The following UST variants were observed in gnomAD, a reference collection of about 807,000 sequenced individuals.
UST encodes the protein chondroitin sulfate 2-O-sulfotransferase.
A neutral mutation model predicts 45.6 loss-of-function variants in UST; 21 were observed. The observed-to-expected ratio is 0.46, with a 90% CI of 0.33 to 0.66. The LOEUF is 0.66. Among genes scored for constraint, UST ranks in the 30% least tolerant of loss-of-function variants. UST has a pLI of 0.02. For missense variants in UST, 463 were observed against 512.4 expected, an observed-to-expected ratio of 0.90 and a Z score of 0.93; for synonymous variants, 215 against 200.6, an observed-to-expected ratio of 1.07 and a Z score of -0.61.
At chr6:149,065,062 G>A (rs1438149207) in intron 7 of UST, among the ~76,000 whole-genome samples, 1 of 152,138 alleles carries the variant, frequency 6.6e-6, no homozygotes, top group African/African-American at 2.4e-5. Flanking sequence ...GTTACTCTCA[G>A]TTCCTGCTAG....
intron 5 of UST, among the ~76,000 whole-genome samples, chr6:149,004,208 G>A (rs1324785591): frequency 6.6e-6 from 1 of 152,154 alleles, no homozygotes; most frequent in African/African-American, 2.4e-5. Context: ...GGATGAGGTA[G>A]CTCCCTCTTT....
In UST at chr6:149,033,895, C is replaced by A. The variant is rs1384904796; in HGVS notation, c.937+12414C>A. Among the ~76,000 whole-genome samples, 3 of 152,280 alleles carry A rather than the reference C, an allele frequency of 2.0e-5. No individual in the cohort carries two copies. In the East Asian group the frequency reaches 5.8e-4, roughly 29 times the overall value. ...GAAAACCAGCAGTTTCCTATTCCAACCCTCCCAAAGATGAAGTCTGATGTT... is the reference window on the plus strand; with the variant it reads ...GAAAACCAGCAGTTTCCTATTCCAAACCTCCCAAAGATGAAGTCTGATGTT... On this transcript the variant is annotated intron_variant, in intron 7 of 7. Coordinates refer to ENST00000367463, the MANE Select transcript of UST (RefSeq NM_005715.3).
rs6904037 is a variant in UST, at chr6:148,770,812, A to G, written c.247+23135A>G. On this transcript the variant is annotated intron_variant, in intron 1 of 7. Transcript: ENST00000367463. The stretch of plus-strand genomic sequence containing the variant: ...GGGTTGCTCAGCTGGTGCAGCGGGC[A>G]GAGGGAGAGGTCAACATGTCACCGA... 9.1e-3 allele frequency among the ~76,000 whole-genome samples: 1,387 copies of G among 152,342 alleles called. 18 individuals are homozygous for G. Among genetic ancestry groups the G allele is most frequent in the African/African-American group, 0.032 (1,311 of 41,570 alleles).
At chr6:148,903,679 A>AT (rs1178337667) in intron 2 of UST, among the ~76,000 whole-genome samples, 8 of 9,742 alleles carry the variant, frequency 8.2e-4, no homozygotes, top group African/African-American at 1.4e-3. Context: ...TTTACTGGTG[A>AT]CCGGAAGAGG....
chr6:148,957,708 A>G (rs1364900319), intron 4 of UST, among the ~76,000 whole-genome samples: 1 of 152,248 alleles, frequency 6.6e-6, no homozygotes, highest in Non-Finnish European at 1.5e-5. Context: ...TGCTGGGATT[A>G]CAGGCGTGAG....
rs113847573 is a variant in UST, at chr6:148,769,871, C to CT, written c.247+22206dup. Among the ~76,000 whole-genome samples, 424 of 146,430 alleles carry CT rather than the reference C, an allele frequency of 2.9e-3. 2 individuals carry two copies. Among genetic ancestry groups the CT allele is most frequent in the East Asian group, 0.015 (76 of 5,034 alleles). The stretch of plus-strand genomic sequence containing the variant: ...GTATAGATCCCTACTCTTTCTGTCA[C>CT]TTTTTTTTTTTTATAGGAAAAGACC... On this transcript the variant is annotated intron_variant, in intron 1 of 7. Transcript: ENST00000367463.
At chr6:148,936,548 G>C (rs977963344) in intron 2 of UST, among the ~76,000 whole-genome samples, 9 of 141,714 alleles carry the variant, frequency 6.4e-5, no homozygotes, top group Non-Finnish European at 1.1e-4. Flanking sequence ...GACAGGGTCA[G>C]TCCCTCCCTC....
At chr6:148,774,637 G>T (rs898542845) in intron 1 of UST, among the ~76,000 whole-genome samples, 2 of 152,138 alleles carry the variant, frequency 1.3e-5, no homozygotes, top group Non-Finnish European at 2.9e-5. Context: ...ATCTGTGGGG[G>T]GAATGGAATG....
intron 2 of UST, among the ~76,000 whole-genome samples, chr6:148,893,211 C>CCGT (rs1376246077): frequency 3.9e-5 from 6 of 151,990 alleles, no homozygotes; most frequent in African/African-American, 9.7e-5. Flanking sequence ...ATTCAAAATT[C>CCGT]CGTTGTAAAA....
chr6:148,854,656 G>C lies in UST; in HGVS notation c.248-32330G>C, dbSNP rs549346905. On this transcript the variant is annotated intron_variant, in intron 1 of 7. Coordinates refer to ENST00000367463, the MANE Select transcript of UST (RefSeq NM_005715.3). ...TTGCCTTGGAATAAAAATATCAGGT[G>C]GGGGAAGGAGCAAGGATAGCTGGGG... Among the ~76,000 whole-genome samples, 93 of 152,206 alleles carry C rather than the reference G, an allele frequency of 6.1e-4. No individual in the cohort carries two copies. The Middle Eastern group carries it at 0.014, about 22-fold the overall frequency.
intron 1 of UST, among the ~76,000 whole-genome samples, chr6:148,877,485 G>A (rs577715349): frequency 1.1e-5 from 1 of 91,668 alleles, no homozygotes; most frequent in Admixed American, 1.1e-4. Context: ...GGTCATGTAC[G>A]AGTGCTGGGG....
At chr6:149,023,542 G>A (rs1484333925) in intron 7 of UST, among the ~76,000 whole-genome samples, 1 of 152,140 alleles carries the variant, frequency 6.6e-6, no homozygotes, top group African/African-American at 2.4e-5. Context: ...ATAAATGTAT[G>A]TGTTTTTATT....
intron 1 of UST, among the ~76,000 whole-genome samples, chr6:148,851,459 T>G (rs750458034): frequency 6.6e-6 from 1 of 152,192 alleles, no homozygotes; most frequent in Non-Finnish European, 1.5e-5. Flanking sequence ...AGATACTGCT[T>G]TATTTACTAA....
chr6:148,970,817 C>T (rs1479454167), intron 5 of UST, among the ~76,000 whole-genome samples: 1 of 152,170 alleles, frequency 6.6e-6, no homozygotes, highest in African/African-American at 2.4e-5. Flanking sequence ...CACACCTCTC[C>T]TTCTACCATC....
intron 1 of UST, among the ~76,000 whole-genome samples, chr6:148,870,220 C>G (rs1371094271): frequency 3.3e-5 from 5 of 152,024 alleles, no homozygotes; most frequent in South Asian, 2.1e-4. Context: ...CAGTCCGAGC[C>G]CAGCTCTGAC....
At chr6:148,839,858 G>A (rs958332920) in intron 1 of UST, among the ~76,000 whole-genome samples, 13 of 152,140 alleles carry the variant, frequency 8.5e-5, no homozygotes, top group Non-Finnish European at 1.9e-4. Flanking sequence ...TACAGAGAAG[G>A]TAAAAAGGGG....
chr6:148,857,573 T>G (rs1459200028), intron 1 of UST, among the ~76,000 whole-genome samples: 1 of 152,084 alleles, frequency 6.6e-6, no homozygotes. Flanking sequence ...ATTCTGCATA[T>G]GAGGAAAAGA....
intron 4 of UST, among the ~76,000 whole-genome samples, chr6:148,961,198 G>T (rs1780650685): frequency 6.6e-6 from 1 of 152,310 alleles, no homozygotes; most frequent in Admixed American, 6.5e-5. Flanking sequence ...ACAGAGTCGG[G>T]GAATAGGATC....
At chr6:148,993,956 CTTTT>C (rs57552256) in intron 5 of UST, among the ~76,000 whole-genome samples, 5 of 95,352 alleles carry the variant, frequency 5.2e-5, no homozygotes, top group Admixed American at 4.2e-4. Flanking sequence ...TATTTCTTTC[CTTTT>C]TTTTTTTTTT....
Sources: gnomAD v4.1 joint callset for allele counts (sites outside exome capture counted in the v4.1 genomes callset) on GRCh38, gnomAD v4.1.1 for gene constraint, MANE v1.5 for transcripts, NCBI Gene and HGNC (gene_info 2026-07-23, HGNC 2026-07-21) for gene names.